TSG101: variants seen among roughly 807,000 people sequenced by gnomAD.
TSG101 encodes the protein tumor susceptibility gene 101 protein.
In TSG101, 19 loss-of-function variants were observed where a neutral mutation model predicts 48.5. That is an observed-to-expected ratio of 0.39 (90% CI 0.27 to 0.58). The LOEUF is 0.58. Ranked by LOEUF, TSG101 falls within the 20% of genes least tolerant of loss-of-function variation. TSG101 has a pLI of 0.55. For synonymous variants in TSG101, 174 were observed against 169.4 expected (o/e 1.03, Z -0.21); for missense variants, 365 against 484.4 (o/e 0.75, Z 2.31).
chr11:18,523,354 C>T (rs776110715), intron 1 of TSG101, among the ~76,000 whole-genome samples: 3 of 152,308 alleles, frequency 2.0e-5, no homozygotes, highest in South Asian at 2.1e-4. Flanking sequence ...CACTTTCCAA[C>T]GTACTTCTTG....
At chr11:18,486,207 C>T (rs1481311067) in intron 7 of TSG101, among the ~76,000 whole-genome samples, 1 of 152,340 alleles carries the variant, frequency 6.6e-6, no homozygotes, top group East Asian at 1.9e-4. Context: ...AGTGCATCCC[C>T]ATTCTTTGTG....
At position 18,521,308 on chromosome 11, in the gene TSG101, G is replaced by A. The variant is rs574364357; in HGVS notation, c.43-1705C>T. 3.5e-5 allele frequency among the ~76,000 whole-genome samples: 5 copies of A among 144,548 alleles called. No homozygotes were observed. The South Asian group carries it at 1.1e-3, about 32-fold the overall frequency. The allele number at this position is 144,548 out of a possible 152,430, so 94.8% of individuals were successfully genotyped here. A position where few individuals can be genotyped will look rare whatever the true frequency, so the allele number is the denominator to read the frequency against. ...ATTCTACCTTTGTCTTACTTCACCT[G>A]TCAGCAGTATTTGACCAAGCTGATT... On this transcript the variant is annotated intron_variant, in intron 1 of 9. Transcript: ENST00000251968.
intron 9 of TSG101, chr11:18,481,272 A>C (rs1849534491): frequency 2.3e-5 from 23 of 984,996 alleles, no homozygotes; most frequent in Non-Finnish European, 2.8e-5. Flanking sequence ...TTAACAGATA[A>C]AAAATGGAGG....
At chr11:18,481,956 C>G in intron 8 of TSG101, 87 bp from the exon 9 acceptor site, 1 of 1,534,682 alleles carries the variant, frequency 6.5e-7, no homozygotes, top group Non-Finnish European at 8.7e-7. Flanking sequence ...AAAAGACAGG[C>G]TAACAACCAT....
At chr11:18,482,755 C>A in intron 8 of TSG101, among the ~76,000 whole-genome samples, 1 of 152,184 alleles carries the variant, frequency 6.6e-6, no homozygotes, top group East Asian at 1.9e-4. Context: ...CCTGAACATA[C>A]TTTTAAAAAA....
In TSG101 at chr11:18,514,842, C is replaced by T. The variant is rs1850144478; in HGVS notation, c.194-1G>A. The T allele has an allele frequency of 6.5e-7, 1 of 1,532,876 alleles. No homozygotes were observed. The highest frequency in any genetic ancestry group is 8.7e-7 in the Non-Finnish European group (1 of 1,152,262). 95.0% of individuals were successfully genotyped at this position (1,532,876 alleles called of 1,614,324 possible). On this transcript the variant is annotated splice_acceptor_variant, in intron 3 of 9. Coordinates refer to ENST00000251968, the MANE Select transcript of TSG101 (RefSeq NM_006292.4). LOFTEE classifies it high-confidence loss of function. ...CATATTGGAATATTGTATGTATTACCTGAAAAAGAAATAGAAACTTCAGTT... is the reference window on the plus strand; with the variant it reads ...CATATTGGAATATTGTATGTATTACTTGAAAAAGAAATAGAAACTTCAGTT...
In TSG101 at chr11:18,526,874, C is replaced by G; in HGVS notation, c.-58G>C. 1 of 1,563,920 alleles carries G rather than the reference C, an allele frequency of 6.4e-7. No homozygotes were observed. The highest frequency in any genetic ancestry group is 8.6e-7 in the Non-Finnish European group (1 of 1,158,448). On this transcript the variant is annotated 5_prime_UTR_variant, in exon 1 of 10. Coordinates refer to ENST00000251968, the MANE Select transcript of TSG101 (RefSeq NM_006292.4). ...CAGAGGGTCAGCCGCTGCTGGGCTG[C>G]CCCAGACCGTCCCACACAATCGCAC... is the stretch of plus-strand genomic sequence containing the variant.
At chr11:18,513,803 G>A (rs1391675003) in intron 4 of TSG101, among the ~76,000 whole-genome samples, 1 of 152,146 alleles carries the variant, frequency 6.6e-6, no homozygotes, top group East Asian at 1.9e-4. Flanking sequence ...GGCTGGGCAT[G>A]GTGGCTTATG....
chr11:18,486,246 G>A (rs1049390592), intron 7 of TSG101, among the ~76,000 whole-genome samples: 1 of 152,218 alleles, frequency 6.6e-6, no homozygotes, highest in Admixed American at 6.5e-5. Context: ...GGGAACCAGC[G>A]GGTAAGCCAG....
At chr11:18,515,514 T>G (rs1198511382) in intron 3 of TSG101, among the ~76,000 whole-genome samples, 1 of 152,218 alleles carries the variant, frequency 6.6e-6, no homozygotes, top group African/African-American at 2.4e-5. Flanking sequence ...AGATCAATTA[T>G]CTATCATTAG....
chr11:18,492,093 TATG>T (rs1281848785), intron 7 of TSG101, among the ~76,000 whole-genome samples: 2 of 152,228 alleles, frequency 1.3e-5, no homozygotes, highest in African/African-American at 4.8e-5. Context: ...TGATTCATGA[TATG>T]ATGACTATTG....
chr11:18,506,516 T>C (rs1565090370), intron 6 of TSG101, among the ~76,000 whole-genome samples: 1 of 151,254 alleles, frequency 6.6e-6, no homozygotes, highest in Admixed American at 6.6e-5. Context: ...CATGGTGAAA[T>C]CCTGTCTCTA....
chr11:18,525,508 T>C (rs1349585951), intron 1 of TSG101, among the ~76,000 whole-genome samples: 3 of 133,860 alleles, frequency 2.2e-5, no homozygotes, highest in Non-Finnish European at 4.6e-5. Context: ...ATCGTGCCAC[T>C]GCACTCCAGC....
rs1274820217 is a variant in TSG101, at chr11:18,490,245, C to G, written c.641-6173G>C. The G allele has an allele frequency of 9.5e-6, 5 of 528,030 alleles. No individual in the cohort carries two copies. The East Asian group carries it at 2.4e-4, about 25-fold the overall frequency. The allele number at this position is 528,030 out of a possible 1,614,324, so 32.7% of individuals were successfully genotyped here. On this transcript the variant is annotated intron_variant, in intron 7 of 9. Transcript: ENST00000251968. ...AGCACAAGAAACATTACTTCTCTCC[C>G]TCCCCAGCATCTCCTTCATCTTCCT...
intron 7 of TSG101, among the ~76,000 whole-genome samples, chr11:18,487,844 A>G (rs1347681938): frequency 3.3e-5 from 5 of 151,972 alleles, no homozygotes; most frequent in African/African-American, 1.2e-4. Context: ...AAATTACAGT[A>G]TTAGGCAGGA....
At chr11:18,499,391 TATATATA>T (rs1565087400) in intron 7 of TSG101, among the ~76,000 whole-genome samples, 7 of 8,198 alleles carry the variant, frequency 8.5e-4, no homozygotes, top group Non-Finnish European at 1.1e-3. Context: ...AATATATATA[TATATATA>T]TATATTTTTT....
Position 18,506,923 on chromosome 11 carries a change from G to T in TSG101, c.482C>A (p.Thr161Asn). ...PPYQATGPPN[T>N]SYMPGMPGGI... The stretch of plus-strand genomic sequence containing the variant: ...ACCTGGCATGCCTGGCATGTAGGAA[G>T]CTAAAAACAATTTTTTTCACATTGT... The change falls in exon 6 of 10, where the codon ACT becomes AAT. Residue 161 changes from threonine (T) to asparagine (N), a missense_variant and splice_region_variant. Transcript: ENST00000251968. 1 of 1,605,466 alleles carries T rather than the reference G, an allele frequency of 6.2e-7. No homozygotes were observed. The highest frequency in any genetic ancestry group is 8.5e-7 in the Non-Finnish European group (1 of 1,174,702).
At chr11:18,487,274 A>G (rs866110869) in intron 7 of TSG101, among the ~76,000 whole-genome samples, 52 of 150,538 alleles carry the variant, frequency 3.5e-4, no homozygotes, top group African/African-American at 1.2e-3. Flanking sequence ...AAAAAAAAAA[A>G]GAAAAAAAAA....
Position 18,522,328 on chromosome 11 carries a change from T to C in TSG101, c.43-2725A>G, listed in dbSNP as rs141793878. ...GACCAAAACTGAACTCCTCATCTTC[T>C]CCCCAAATTTACTTCTCCAGTGTCT... On this transcript the variant is annotated intron_variant, in intron 1 of 9. Transcript: ENST00000251968. Among the ~76,000 whole-genome samples, 1,114 of 152,264 alleles carry C rather than the reference T, an allele frequency of 7.3e-3. 12 individuals are homozygous for C. Among genetic ancestry groups the C allele is most frequent in the African/African-American group, 0.026 (1,063 of 41,550 alleles).
Sources: allele counts gnomAD v4.1 joint callset (sites outside exome capture counted in the v4.1 genomes callset), GRCh38; gene constraint gnomAD v4.1.1; transcripts MANE v1.5; gene names NCBI Gene and HGNC (gene_info 2026-07-23, HGNC 2026-07-21).